Variants in PDE4D observed in about 807,000 individuals in gnomAD.
PDE4D encodes 3',5'-cyclic-AMP phosphodiesterase 4D.
Under a neutral mutation model 87.4 loss-of-function variants are expected in PDE4D, and 24 were observed. That is an observed-to-expected ratio of 0.27 (90% CI 0.20 to 0.39). PDE4D has a LOEUF of 0.39. Ranked by LOEUF, PDE4D falls within the 10% of genes least tolerant of loss-of-function variation. The pLI is 1.00. For missense variants in PDE4D, 714 were observed against 1,041.0 expected, an observed-to-expected ratio of 0.69 and a Z score of 4.32; for synonymous variants, 384 against 383.2, an observed-to-expected ratio of 1.00 and a Z score of -0.02.
chr5:60,426,048 G>C (rs1048321832), intron 1 of PDE4D, among the ~76,000 whole-genome samples: 1 of 152,196 alleles, frequency 6.6e-6, no homozygotes, highest in African/African-American at 2.4e-5. Flanking sequence ...ATGCTGGAGA[G>C]GATGTGGAGA....
intron 1 of PDE4D, among the ~76,000 whole-genome samples, chr5:60,294,428 A>G (rs1033161802): frequency 4.6e-5 from 7 of 152,084 alleles, no homozygotes; most frequent in East Asian, 1.9e-4. Context: ...TAATTTACCA[A>G]TTTTGAGGGT....
At chr5:60,406,455 A>G (rs538255463) in intron 1 of PDE4D, among the ~76,000 whole-genome samples, 120 of 152,292 alleles carry the variant, frequency 7.9e-4, no homozygotes, top group African/African-American at 2.8e-3. Flanking sequence ...CACATCTACA[A>G]TGATTAATGG....
At chr5:59,434,388 C>T (rs981012610) in intron 1 of PDE4D, among the ~76,000 whole-genome samples, 7 of 151,890 alleles carry the variant, frequency 4.6e-5, no homozygotes, top group Non-Finnish European at 1.0e-4. Context: ...TTTCCCCTGG[C>T]TTATGGCTTG....
At chr5:59,474,676 T>G (rs1803015044) in intron 1 of PDE4D, among the ~76,000 whole-genome samples, 1 of 152,102 alleles carries the variant, frequency 6.6e-6, no homozygotes, top group Non-Finnish European at 1.5e-5. Context: ...CTCTTGGGTA[T>G]GTATGAAGAG....
intron 1 of PDE4D, among the ~76,000 whole-genome samples, chr5:59,284,878 A>G (rs28435484): frequency 0.21 from 7,882 of 37,460 alleles, 1,181 homozygotes; most frequent in East Asian, 0.66. Context: ...AATACTATGC[A>G]GCCATAAAAA....
intron 1 of PDE4D, among the ~76,000 whole-genome samples, chr5:59,626,438 C>T (rs298046): frequency 6.6e-6 from 1 of 152,084 alleles, no homozygotes; most frequent in Non-Finnish European, 1.5e-5. Flanking sequence ...TTGAACCATG[C>T]ATTTCTTTAT....
chr5:58,978,055 GGA>G (rs1744222242), intron 11 of PDE4D, among the ~76,000 whole-genome samples: 1 of 152,026 alleles, frequency 6.6e-6, no homozygotes, highest in Non-Finnish European at 1.5e-5. Context: ...TTTTAGGCAG[GGA>G]GAGATTCTGC....
At chr5:59,606,557 G>A (rs973727606) in intron 1 of PDE4D, among the ~76,000 whole-genome samples, 2 of 152,020 alleles carry the variant, frequency 1.3e-5, no homozygotes, top group African/African-American at 4.8e-5. Context: ...AGCTGTGCTT[G>A]GACACCAAAA....
chr5:59,597,062 G>GC (rs1348034196), intron 1 of PDE4D, among the ~76,000 whole-genome samples: 5 of 152,084 alleles, frequency 3.3e-5, no homozygotes, highest in African/African-American at 1.2e-4. Context: ...AATAGGCCCT[G>GC]CTATACTTGT....
At chr5:60,330,243 C>A (rs1757198645) in intron 1 of PDE4D, among the ~76,000 whole-genome samples, 1 of 152,154 alleles carries the variant, frequency 6.6e-6, no homozygotes, top group African/African-American at 2.4e-5. Flanking sequence ...TGTAAAAATT[C>A]ATTAAGTATT....
intron 1 of PDE4D, among the ~76,000 whole-genome samples, chr5:59,814,505 G>A (rs1263653521): frequency 6.6e-6 from 1 of 152,170 alleles, no homozygotes; most frequent in African/African-American, 2.4e-5. Context: ...ATCACCACCT[G>A]CCAGTGAGTC....
At chr5:59,985,124 GTTTT>G (rs762506771) in intron 3 of PDE4D, among the ~76,000 whole-genome samples, 1 of 111,268 alleles carries the variant, frequency 9.0e-6, no homozygotes, top group Non-Finnish European at 1.9e-5. Context: ...TTCACCTTTC[GTTTT>G]TTGTTTTTTG....
chr5:60,418,101 T>G (rs1425888709), intron 1 of PDE4D, among the ~76,000 whole-genome samples: 2 of 152,166 alleles, frequency 1.3e-5, no homozygotes, highest in Admixed American at 1.3e-4. Flanking sequence ...TGATTCGGAA[T>G]GTTCATTGAG....
At chr5:59,050,568 A>C (rs1761389790) in intron 5 of PDE4D, among the ~76,000 whole-genome samples, 1 of 152,214 alleles carries the variant, frequency 6.6e-6, no homozygotes, top group South Asian at 2.1e-4. Flanking sequence ...AAGATAAATT[A>C]GTTTTATAAT....
intron 1 of PDE4D, among the ~76,000 whole-genome samples, chr5:60,211,526 A>G (rs1435795572): frequency 1.3e-5 from 2 of 149,324 alleles, no homozygotes; most frequent in African/African-American, 4.9e-5. Flanking sequence ...ATGTATATAT[A>G]CAAATGTTTA....
At chr5:59,036,368 G>A (rs1029579768) in intron 6 of PDE4D, among the ~76,000 whole-genome samples, 5 of 152,176 alleles carry the variant, frequency 3.3e-5, no homozygotes, top group Non-Finnish European at 5.9e-5. Context: ...GTTTGAACAC[G>A]TGTATGTAAA....
intron 2 of PDE4D, among the ~76,000 whole-genome samples, chr5:60,122,367 C>A (rs1364674571): frequency 6.6e-6 from 1 of 152,226 alleles, no homozygotes. Context: ...GGGCCCTGCC[C>A]CTGCAGCAAA....
At chr5:60,270,205 T>C (rs1258132467) in intron 1 of PDE4D, among the ~76,000 whole-genome samples, 2 of 152,162 alleles carry the variant, frequency 1.3e-5, no homozygotes, top group Non-Finnish European at 2.9e-5. Flanking sequence ...GAAAGATAAC[T>C]GCAAATGTCA....
intron 1 of PDE4D, among the ~76,000 whole-genome samples, chr5:60,470,862 C>T (rs754120940): frequency 6.6e-5 from 10 of 152,076 alleles, no homozygotes; most frequent in South Asian, 2.1e-4. Flanking sequence ...TGAAGAACTA[C>T]GAGGAGATTA....
Sources: allele counts gnomAD v4.1 joint callset (sites outside exome capture counted in the v4.1 genomes callset), GRCh38; gene constraint gnomAD v4.1.1; transcripts MANE v1.5; gene names NCBI Gene and HGNC (gene_info 2026-07-23, HGNC 2026-07-21).